Variants in TTC28 observed in about 807,000 individuals in gnomAD.
The protein encoded by TTC28 is tetratricopeptide repeat protein 28.
In TTC28, 61 loss-of-function variants were observed where a neutral mutation model predicts 198.0. The observed-to-expected ratio is 0.31, with a 90% CI of 0.25 to 0.38. The LOEUF (loss-of-function observed/expected upper bound fraction) is 0.38, where lower values mean the gene tolerates loss of function less well. Among genes scored for constraint, TTC28 ranks in the 10% least tolerant of loss-of-function variants. The pLI is 1.00. For synonymous variants in TTC28, 1,171 were observed against 1,297.8 expected (o/e 0.90, Z 2.10); for missense variants, 2,678 against 3,164.0 (o/e 0.85, Z 3.69).
intron 12 of TTC28, among the ~76,000 whole-genome samples, chr22:28,088,068 G>A (rs1223280784): frequency 6.6e-6 from 1 of 152,162 alleles, no homozygotes; most frequent in Non-Finnish European, 1.5e-5. Flanking sequence ...AATCATTATT[G>A]TGAAAATGGC....
chr22:28,167,821 G>C (rs1477829320), intron 5 of TTC28, among the ~76,000 whole-genome samples: 1 of 152,110 alleles, frequency 6.6e-6, no homozygotes, highest in African/African-American at 2.4e-5. Flanking sequence ...TTCTGGCCAG[G>C]GCAATCAGGC....
rs1339854743 is a variant in TTC28, at chr22:27,980,209, T to C, written c.*2012A>G. ...TTAGAAACTTGAGGTTTACTTTTCA[T>C]TGTTAAGAACCTGATTTTGCTATCT... On this transcript the variant is annotated 3_prime_UTR_variant, in exon 23 of 23. Coordinates refer to ENST00000397906, the MANE Select transcript of TTC28 (RefSeq NM_001145418.2). The C allele has an allele frequency of 6.6e-6, 1 of 152,260 alleles. No individual in the cohort carries two copies. Among genetic ancestry groups the C allele is most frequent in the African/African-American group, 2.4e-5 (1 of 41,452 alleles). 9.4% of individuals were successfully genotyped at this position (152,260 alleles called of 1,614,324 possible). A position where few individuals can be genotyped will look rare whatever the true frequency, so the allele number is the denominator to read the frequency against.
rs573055667 is a variant in TTC28, at chr22:28,440,358, G to T, written c.382-133715C>A. 3.3e-5 allele frequency among the ~76,000 whole-genome samples: 5 copies of T among 152,170 alleles called. No individual in the cohort carries two copies. In the East Asian group the frequency reaches 9.6e-4, roughly 29 times the overall value. Reference sequence around the variant, plus strand: ...TTGCAAACCCTAACTGAATATTGCAGACTCACACCTTTAAAAAGCTTGTTT... The same window carrying T: ...TTGCAAACCCTAACTGAATATTGCATACTCACACCTTTAAAAAGCTTGTTT... On this transcript the variant is annotated intron_variant, in intron 2 of 22. Coordinates refer to ENST00000397906, the MANE Select transcript of TTC28 (RefSeq NM_001145418.2).
chr22:28,538,056 A>C (rs759752722), intron 2 of TTC28, among the ~76,000 whole-genome samples: 21 of 152,216 alleles, frequency 1.4e-4, no homozygotes, highest in Non-Finnish European at 2.8e-4. Flanking sequence ...CATTGCATAC[A>C]TATCTAATTT....
At chr22:28,267,821 T>C (rs534032149) in intron 5 of TTC28, among the ~76,000 whole-genome samples, 24 of 152,282 alleles carry the variant, frequency 1.6e-4, no homozygotes, top group Admixed American at 1.4e-3. Flanking sequence ...GCTCAAGTGT[T>C]CAGTAATTAT....
At chr22:28,133,453 T>G (rs574969700) in intron 6 of TTC28, among the ~76,000 whole-genome samples, 1 of 152,274 alleles carries the variant, frequency 6.6e-6, no homozygotes, top group East Asian at 1.9e-4. Context: ...GGGAATTCCC[T>G]TTCCTAGCCA....
chr22:28,484,731 A>G (rs2048296132), intron 2 of TTC28, among the ~76,000 whole-genome samples: 1 of 152,214 alleles, frequency 6.6e-6, no homozygotes, highest in Non-Finnish European at 1.5e-5. Context: ...TAGAATGACA[A>G]AACTACACAG....
chr22:27,983,022 GCTGAACGCA>G lies in TTC28; in HGVS notation c.6636_6644del (p.Ala2213_Ser2215del). 3 of 1,551,720 alleles carry G rather than the reference GCTGAACGCA, an allele frequency of 1.9e-6. No homozygotes were observed. The highest frequency in any genetic ancestry group is 2.6e-6 in the Non-Finnish European group (3 of 1,146,984). On this transcript the variant is annotated inframe_deletion, in exon 23 of 23. Transcript: ENST00000397906. Reference sequence around the variant, plus strand: ...TCTTCTGATGGGAGAGAACAGGCCTGCTGAACGCACTGGTTTCTGACGCTCTGAAGACAG... The same window carrying G: ...TCTTCTGATGGGAGAGAACAGGCCTGCTGGTTTCTGACGCTCTGAAGACAG...
intron 2 of TTC28, among the ~76,000 whole-genome samples, chr22:28,534,689 T>TA (rs1348233324): frequency 6.6e-6 from 1 of 152,134 alleles, no homozygotes; most frequent in African/African-American, 2.4e-5. Flanking sequence ...ATAGACTTGA[T>TA]TAAGAAAATG....
At chr22:28,372,294 T>C (rs1248712303) in intron 2 of TTC28, among the ~76,000 whole-genome samples, 1 of 152,258 alleles carries the variant, frequency 6.6e-6, no homozygotes, top group Non-Finnish European at 1.5e-5. Flanking sequence ...ATTTAAGATA[T>C]GCTTCATTTC....
chr22:28,336,581 C>G (rs1006102323), intron 2 of TTC28, among the ~76,000 whole-genome samples: 1 of 151,956 alleles, frequency 6.6e-6, no homozygotes, highest in Non-Finnish European at 1.5e-5. Context: ...GTGTATGTAT[C>G]GAGGAATTTA....
chr22:28,669,518 A>G (rs2051844471), intron 1 of TTC28, among the ~76,000 whole-genome samples: 1 of 151,950 alleles, frequency 6.6e-6, no homozygotes. Flanking sequence ...CTCAATATCA[A>G]ATTGTACTAA....
chr22:28,291,926 T>A (rs1445316416), intron 5 of TTC28, among the ~76,000 whole-genome samples: 2 of 152,078 alleles, frequency 1.3e-5, no homozygotes, highest in Non-Finnish European at 2.9e-5. Flanking sequence ...AAAACAGCAC[T>A]CCAAGAAGAT....
intron 2 of TTC28, among the ~76,000 whole-genome samples, chr22:28,374,561 G>A (rs907415411): frequency 7.2e-5 from 11 of 152,178 alleles, no homozygotes; most frequent in African/African-American, 2.7e-4. Context: ...TTGTGACTCT[G>A]TCATTTACCA....
chr22:28,663,055 T>G lies in TTC28; in HGVS notation c.102+16567A>C, dbSNP rs542511986. Among the ~76,000 whole-genome samples, 7 of 152,094 alleles carry G rather than the reference T, an allele frequency of 4.6e-5. No homozygotes were observed. In the East Asian group the frequency reaches 1.2e-3, roughly 25 times the overall value. ...CGAGGTCAGGAGATCGAGACCATCCTGGCTAACACAGTGAAACCCCGTCTG... is the reference window on the plus strand; with the variant it reads ...CGAGGTCAGGAGATCGAGACCATCCGGGCTAACACAGTGAAACCCCGTCTG... On this transcript the variant is annotated intron_variant, in intron 1 of 22. Transcript: ENST00000397906.
intron 2 of TTC28, among the ~76,000 whole-genome samples, chr22:28,575,340 C>T (rs1164720137): frequency 6.6e-6 from 1 of 152,068 alleles, no homozygotes; most frequent in African/African-American, 2.4e-5. Flanking sequence ...TGCAGATGTA[C>T]GGATTTGTTT....
At chr22:28,291,347 C>A (rs958311962) in intron 5 of TTC28, among the ~76,000 whole-genome samples, 2 of 151,884 alleles carry the variant, frequency 1.3e-5, no homozygotes, top group African/African-American at 4.8e-5. Flanking sequence ...CAGAATCAGA[C>A]CAATACAAAA....
At chr22:28,509,554 G>A (rs568443885) in intron 2 of TTC28, among the ~76,000 whole-genome samples, 5 of 152,296 alleles carry the variant, frequency 3.3e-5, no homozygotes, top group African/African-American at 1.2e-4. Context: ...GAAATGTATA[G>A]TATTACATGC....
At chr22:28,329,931 T>C (rs892534814) in intron 2 of TTC28, among the ~76,000 whole-genome samples, 1 of 152,194 alleles carries the variant, frequency 6.6e-6, no homozygotes, top group Non-Finnish European at 1.5e-5. Context: ...TGCACTTATT[T>C]TCTTAATAGC....
Sources: gnomAD v4.1 joint callset for allele counts (sites outside exome capture counted in the v4.1 genomes callset) on GRCh38, gnomAD v4.1.1 for gene constraint, MANE v1.5 for transcripts, NCBI Gene and HGNC (gene_info 2026-07-23, HGNC 2026-07-21) for gene names.